The following TFAP2B variants were observed in gnomAD, a reference collection of about 807,000 sequenced individuals.
TFAP2B encodes the protein transcription factor AP-2-beta.
A neutral mutation model predicts 44.3 loss-of-function variants in TFAP2B; 9 were observed. The ratio of observed to expected loss-of-function variants is 0.20; its 90% CI spans 0.12 to 0.35. TFAP2B has a LOEUF of 0.35. Ranked by LOEUF, TFAP2B falls within the 10% of genes least tolerant of loss-of-function variation. TFAP2B has a pLI of 1.00. For missense variants in TFAP2B, 509 were observed against 600.0 expected (o/e 0.85, Z 1.59); for synonymous variants, 270 against 263.8 (o/e 1.02, Z -0.23).
At chr6:50,822,497 G>A (rs1050709789) in intron 1 of TFAP2B, among the ~76,000 whole-genome samples, 1 of 152,062 alleles carries the variant, frequency 6.6e-6, no homozygotes, top group Non-Finnish European at 1.5e-5. Flanking sequence ...GAGAAGAGAG[G>A]GAGAAACAAA....
At chr6:50,821,903 G>A (rs937430458) in intron 1 of TFAP2B, 4 of 295,976 alleles carry the variant, frequency 1.4e-5, no homozygotes, top group Non-Finnish European at 2.6e-5. Context: ...GAAGAAAAGA[G>A]GCCAAAAAGA....
chr6:50,830,132 C>T (rs1432417442), intron 3 of TFAP2B, among the ~76,000 whole-genome samples: 2 of 151,966 alleles, frequency 1.3e-5, no homozygotes, highest in Admixed American at 6.6e-5. Context: ...AGGGTGGGGT[C>T]GGGGAGGAGC....
In TFAP2B at chr6:50,844,305, ACAC is replaced by A. The variant is rs1762798301; in HGVS notation, c.*914_*916del. 5.3e-5 allele frequency: 1 copy of A among 18,868 alleles called. No homozygotes were observed. Among genetic ancestry groups the A allele is most frequent in the Non-Finnish European group, 1.0e-4 (1 of 9,554 alleles). 1.2% of individuals were successfully genotyped at this position (18,868 alleles called of 1,614,324 possible). A position where few individuals can be genotyped will look rare whatever the true frequency, so the allele number is the denominator to read the frequency against. On this transcript the variant is annotated 3_prime_UTR_variant, in exon 7 of 7. Coordinates refer to ENST00000393655, the MANE Select transcript of TFAP2B (RefSeq NM_003221.4). ...TGAACTATAGTAAAAAAAAAAAAACACACACACACACAATATGAATACGTTGAT... is the reference window on the plus strand; with the variant it reads ...TGAACTATAGTAAAAAAAAAAAAACAACACACACAATATGAATACGTTGAT...
chr6:50,829,115 T>C (rs187096192), intron 3 of TFAP2B, among the ~76,000 whole-genome samples: 3 of 152,358 alleles, frequency 2.0e-5, no homozygotes, highest in Admixed American at 6.5e-5. Context: ...GGTGATAATT[T>C]TGTTCCCAGT....
intron 1 of TFAP2B, 78 bp downstream of exon 1, chr6:50,819,050 T>C (rs1770250516): frequency 5.1e-6 from 7 of 1,362,398 alleles, no homozygotes; most frequent in Non-Finnish European, 7.3e-6. Context: ...AAATGATATA[T>C]ATTTTTAAGC....
At chr6:50,826,782 T>C (rs1770520618) in intron 2 of TFAP2B, among the ~76,000 whole-genome samples, 1 of 152,016 alleles carries the variant, frequency 6.6e-6, no homozygotes, top group Non-Finnish European at 1.5e-5. Context: ...TATAAACATA[T>C]AAGGATGTTA....
intron 3 of TFAP2B, among the ~76,000 whole-genome samples, chr6:50,832,191 A>G (rs542267703): frequency 7.2e-5 from 11 of 152,294 alleles, no homozygotes; most frequent in Admixed American, 5.9e-4. Flanking sequence ...CTATTTATCA[A>G]CTAGAGACCC....
intron 3 of TFAP2B, among the ~76,000 whole-genome samples, chr6:50,829,961 T>C (rs2113940090): frequency 1.3e-5 from 2 of 152,218 alleles, no homozygotes; most frequent in South Asian, 4.2e-4. Context: ...TCTCTCTCTC[T>C]CTCTCTCATC....
In TFAP2B at chr6:50,843,724, TA is replaced by T. The variant is rs1285783690; in HGVS notation, c.*335del. 2 of 225,498 alleles carry T rather than the reference TA, an allele frequency of 8.9e-6. No homozygotes were observed. The highest frequency in any genetic ancestry group is 4.6e-5 in the African/African-American group (2 of 43,240). 14.0% of individuals were successfully genotyped at this position (225,498 alleles called of 1,614,324 possible). A position where few individuals can be genotyped will look rare whatever the true frequency, so the allele number is the denominator to read the frequency against. On this transcript the variant is annotated 3_prime_UTR_variant, in exon 7 of 7. Coordinates refer to ENST00000393655, the MANE Select transcript of TFAP2B (RefSeq NM_003221.4). ...TCCCTTTGGAAAATAAACATAAGACTAAACATGAGAAAAACGCTAACTTATT... is the reference window on the plus strand; with the variant it reads ...TCCCTTTGGAAAATAAACATAAGACTAACATGAGAAAAACGCTAACTTATT...
chr6:50,843,019 G>T, intron 6 of TFAP2B, 73 bp from the exon 7 acceptor site: 1 of 1,598,356 alleles, frequency 6.3e-7, no homozygotes, highest in South Asian at 1.1e-5. Context: ...GGGCTTGTGT[G>T]AGCGTCTCCT....
intron 2 of TFAP2B, among the ~76,000 whole-genome samples, chr6:50,827,013 C>T (rs1477390459): frequency 6.6e-6 from 1 of 152,152 alleles, no homozygotes; most frequent in Non-Finnish European, 1.5e-5. Flanking sequence ...AGCAGGCGGC[C>T]GTAATTAGAT....
chr6:50,821,912 G>T (rs1233948144), intron 1 of TFAP2B: 2 of 288,884 alleles, frequency 6.9e-6, no homozygotes, highest in Admixed American at 5.0e-5. Flanking sequence ...AGGCCAAAAA[G>T]ACAGCAAAGA....
rs548944666 is a variant in TFAP2B at position 50,828,782 on chromosome 6, A to C, written c.601+103A>C. The C allele has an allele frequency of 4.1e-5, 56 of 1,368,046 alleles. No homozygotes were observed. In the East Asian group the frequency reaches 1.3e-3, roughly 31 times the overall value. The allele number at this position is 1,368,046 out of a possible 1,614,324, so 84.7% of individuals were successfully genotyped here. A position where few individuals can be genotyped will look rare whatever the true frequency, so the allele number is the denominator to read the frequency against. On this transcript the variant is annotated intron_variant, in intron 3 of 6. Transcript: ENST00000393655. The stretch of plus-strand genomic sequence containing the variant: ...GGAATTCATTATTTGACAAGACATA[A>C]ATGTTTGTTCACAATTATAGGACAA...
chr6:50,840,249 C>A lies in TFAP2B; in HGVS notation c.1034C>A (p.Thr345Lys), dbSNP rs770612426. 2 of 1,614,138 alleles carry A rather than the reference C, an allele frequency of 1.2e-6. No individual in the cohort carries two copies. The highest frequency in any genetic ancestry group is 4.5e-5 in the East Asian group (2 of 44,884). ...AVSEYLNRQH[T>K]DPSDLHSRKN... ...TCTGAGTATTTGAACCGGCAGCACA[C>A]AGACCCGAGTGACCTGCACTCCCGA... The change falls in exon 6 of 7, where the codon ACA (threonine) becomes AAA (lysine). Residue 345 changes from threonine to lysine, a missense_variant. By Grantham distance (78) the Thr-to-Lys change is moderately conservative (BLOSUM62 -1). Coordinates refer to ENST00000393655, the MANE Select transcript of TFAP2B (RefSeq NM_003221.4).
intron 1 of TFAP2B, among the ~76,000 whole-genome samples, chr6:50,823,182 G>C (rs1428686976): frequency 6.6e-6 from 1 of 152,100 alleles, no homozygotes; most frequent in African/African-American, 2.4e-5. Flanking sequence ...CCCAAGCCTG[G>C]GGTTTGAAAT....
chr6:50,831,622 A>G (rs1280264964), intron 3 of TFAP2B, among the ~76,000 whole-genome samples: 3 of 151,878 alleles, frequency 2.0e-5, no homozygotes, highest in East Asian at 1.9e-4. Flanking sequence ...ACATTAAAAA[A>G]TCATTCTTAA....
chr6:50,831,914 T>G (rs1011583304), intron 3 of TFAP2B, among the ~76,000 whole-genome samples: 1 of 152,186 alleles, frequency 6.6e-6, no homozygotes, highest in African/African-American at 2.4e-5. Context: ...ATATCCTGTT[T>G]GGTTAGTTTC....
Position 50,828,614 on chromosome 6 carries a change from C to T in TFAP2B, c.541-5C>T. On this transcript the variant is annotated splice_polypyrimidine_tract_variant and splice_region_variant and intron_variant, in intron 2 of 6. Transcript: ENST00000393655. Reference sequence around the variant, plus strand: ...ATTTGAATAGTGATGTTTTTATATTCACAGTCAGTTGAAGATGCCAATAAC... The same window carrying T: ...ATTTGAATAGTGATGTTTTTATATTTACAGTCAGTTGAAGATGCCAATAAC... 1 of 1,612,500 alleles carries T rather than the reference C, an allele frequency of 6.2e-7. No homozygotes were observed. Among genetic ancestry groups the T allele is most frequent in the South Asian group, 1.1e-5 (1 of 91,028 alleles).
chr6:50,819,577 C>A (rs887509869), intron 1 of TFAP2B, among the ~76,000 whole-genome samples: 1 of 152,196 alleles, frequency 6.6e-6, no homozygotes, highest in African/African-American at 2.4e-5. Flanking sequence ...GTCACTGCGT[C>A]CGAACAGAAA....
Sources: gnomAD v4.1 joint callset for allele counts (sites outside exome capture counted in the v4.1 genomes callset) on GRCh38, gnomAD v4.1.1 for gene constraint, MANE v1.5 for transcripts, NCBI Gene and HGNC (gene_info 2026-07-23, HGNC 2026-07-21) for gene names.